The following PREP variants were observed in gnomAD, a reference collection of about 807,000 sequenced individuals.
PREP encodes prolyl endopeptidase.
PREP carries 29 observed loss-of-function variants against 87.6 expected under a neutral mutation model. That is an observed-to-expected ratio of 0.33 (90% CI 0.25 to 0.45). The LOEUF (loss-of-function observed/expected upper bound fraction) is 0.45. PREP is among the 20% of genes least tolerant of loss of function. The pLI is 1.00. For synonymous variants in PREP, 337 were observed against 328.6 expected, an observed-to-expected ratio of 1.03 and a Z score of -0.28; for missense variants, 695 against 886.5, an observed-to-expected ratio of 0.78 and a Z score of 2.74.
At chr6:105,296,102 T>C (rs1476650685) in intron 10 of PREP, among the ~76,000 whole-genome samples, 2 of 152,246 alleles carry the variant, frequency 1.3e-5, no homozygotes, top group Non-Finnish European at 2.9e-5. Context: ...AGGTGCCCAG[T>C]GACAATGTTT....
At chr6:105,352,863 G>C (rs1184434108) in intron 7 of PREP, 109 bp downstream of exon 7, 31 of 928,022 alleles carry the variant, frequency 3.3e-5, no homozygotes, top group Non-Finnish European at 2.4e-5. Context: ...GAACTGACAT[G>C]ATGTGGTAGA....
chr6:105,342,571 T>C (rs181118126), intron 7 of PREP, among the ~76,000 whole-genome samples: 18 of 152,274 alleles, frequency 1.2e-4, no homozygotes, highest in African/African-American at 4.3e-4. Context: ...GGTATTCAAT[T>C]AGGAAAAGAG....
intron 12 of PREP, among the ~76,000 whole-genome samples, chr6:105,284,634 G>A (rs1770151635): frequency 6.6e-6 from 1 of 152,158 alleles, no homozygotes; most frequent in African/African-American, 2.4e-5. Context: ...TAGAGCTGAT[G>A]GAGGTGAAGG....
At chr6:105,395,065 G>C (rs370643644) in intron 2 of PREP, among the ~76,000 whole-genome samples, 45 of 152,164 alleles carry the variant, frequency 3.0e-4, no homozygotes, top group African/African-American at 9.6e-4. Flanking sequence ...TAAAATTCTG[G>C]GCTGCAAAGA....
chr6:105,376,636 G>A (rs577585223), intron 3 of PREP, among the ~76,000 whole-genome samples: 2 of 152,320 alleles, frequency 1.3e-5, no homozygotes, highest in South Asian at 2.1e-4. Flanking sequence ...AAGGCTGCTA[G>A]GGTGGAAGGT....
intron 6 of PREP, among the ~76,000 whole-genome samples, chr6:105,362,299 A>T (rs2114695115): frequency 6.6e-6 from 1 of 152,280 alleles, no homozygotes; most frequent in East Asian, 1.9e-4. Flanking sequence ...CGTCTCTACT[A>T]AAAATACAAA....
rs191717639 is a variant in PREP, at chr6:105,346,636, A to G, written c.823+6336T>C. ...TCACCACCATGCACCTTTTCTCCCT[A>G]AACTCCTCATAAATGCTGTGACATG... is the stretch of plus-strand genomic sequence containing the variant. On this transcript the variant is annotated intron_variant, in intron 7 of 14. Transcript: ENST00000652536. Among the ~76,000 whole-genome samples the G allele has an allele frequency of 1.4e-4, 21 of 152,340 alleles. No individual in the cohort carries two copies. The East Asian group carries it at 4.1e-3, about 29-fold the overall frequency.
intron 10 of PREP, among the ~76,000 whole-genome samples, chr6:105,318,955 A>G (rs1019490544): frequency 3.3e-5 from 5 of 152,230 alleles, no homozygotes; most frequent in Non-Finnish European, 5.9e-5. Flanking sequence ...TAATGTTCTG[A>G]AAATATGTTC....
At chr6:105,391,092 C>T (rs370646939) in intron 2 of PREP, among the ~76,000 whole-genome samples, 9 of 149,070 alleles carry the variant, frequency 6.0e-5, no homozygotes, top group East Asian at 3.9e-4. Flanking sequence ...AGACAAAGGC[C>T]GGGTGCGGTG....
intron 7 of PREP, among the ~76,000 whole-genome samples, chr6:105,348,878 C>CA (rs1300160085): frequency 0.014 from 1,303 of 92,198 alleles, 8 homozygotes; most frequent in African/African-American, 0.035. Flanking sequence ...GATTCCGTCT[C>CA]AAAAAAAAAA....
At chr6:105,282,799 T>C (rs1583033793) in intron 12 of PREP, among the ~76,000 whole-genome samples, 1 of 152,338 alleles carries the variant, frequency 6.6e-6, no homozygotes, top group South Asian at 2.1e-4. Context: ...GGTGGATCTG[T>C]ATTTTTCTAA....
intron 10 of PREP, among the ~76,000 whole-genome samples, chr6:105,321,672 A>T (rs943037573): frequency 1.3e-5 from 2 of 152,218 alleles, no homozygotes; most frequent in Non-Finnish European, 2.9e-5. Flanking sequence ...ACTAAGCAGT[A>T]AGAGATATTT....
At chr6:105,324,644 G>A (rs913592747) in intron 9 of PREP, among the ~76,000 whole-genome samples, 1 of 152,120 alleles carries the variant, frequency 6.6e-6, no homozygotes, top group African/African-American at 2.4e-5. Flanking sequence ...TTGATTTAGT[G>A]ATCCCATCAG....
chr6:105,336,024 G>A (rs1223589485), intron 7 of PREP, among the ~76,000 whole-genome samples: 3 of 152,220 alleles, frequency 2.0e-5, no homozygotes, highest in East Asian at 1.9e-4. Flanking sequence ...TCGGGAGGCC[G>A]AGGCAGGTGG....
chr6:105,278,354 A>G lies in PREP; in HGVS notation c.1923T>C (p.Asp641=), dbSNP rs761128853. 6.2e-7 allele frequency: 1 copy of G among 1,614,214 alleles called. No individual in the cohort carries two copies. The highest frequency in any genetic ancestry group is 1.3e-5 in the African/African-American group (1 of 75,076). ...GGGAGTGAAGCGGGACCACGCGGTC[A>G]TCATGGTCAGCAGTGAGGAGCAGCA... ...PSMLLLTADH[D]DRVVPLHSLK... is the part of the protein sequence containing the mutation. The change falls in exon 15 of 15, where the codon GAT becomes GAC. Residue 641 remains aspartate, a synonymous_variant. Coordinates refer to ENST00000652536, the MANE Select transcript of PREP (RefSeq NM_002726.5). This position sits in a 1 kb window ranked among gnomAD's most constrained non-coding sequence, Gnocchi z 4.2.
chr6:105,327,892 T>G (rs530432736), intron 9 of PREP, among the ~76,000 whole-genome samples: 4 of 151,780 alleles, frequency 2.6e-5, no homozygotes, highest in Non-Finnish European at 5.9e-5. Flanking sequence ...ACAAAAACAG[T>G]GCAGATGGAC....
intron 2 of PREP, among the ~76,000 whole-genome samples, chr6:105,386,549 T>A (rs1046256121): frequency 6.6e-6 from 1 of 151,836 alleles, no homozygotes; most frequent in Admixed American, 6.6e-5. Flanking sequence ...TTTCCCCCAA[T>A]GAAAAAAATT....
intron 2 of PREP, among the ~76,000 whole-genome samples, chr6:105,390,584 G>C (rs1352556934): frequency 6.6e-6 from 1 of 152,182 alleles, no homozygotes; most frequent in African/African-American, 2.4e-5. Context: ...CCCTTGAAAG[G>C]TGTAAATTTT....
intron 6 of PREP, among the ~76,000 whole-genome samples, chr6:105,362,559 C>T (rs1434822728): frequency 6.6e-6 from 1 of 152,216 alleles, no homozygotes; most frequent in East Asian, 1.9e-4. Flanking sequence ...AACATGTCTA[C>T]TAAAAACAAC....
Sources: allele counts gnomAD v4.1 joint callset (sites outside exome capture counted in the v4.1 genomes callset), GRCh38; gene constraint gnomAD v4.1.1; non-coding constraint Gnocchi (gnomAD v3.1); transcripts MANE v1.5; gene names NCBI Gene and HGNC (gene_info 2026-07-23, HGNC 2026-07-21).